Variants in DNAH2 observed in about 807,000 individuals in gnomAD.
DNAH2 encodes axonemal beta dynein heavy chain 2.
A neutral mutation model predicts 523.5 loss-of-function variants in DNAH2; 323 were observed. The ratio of observed to expected loss-of-function variants is 0.62; its 90% CI spans 0.56 to 0.68. DNAH2 has a LOEUF of 0.68. Among genes scored for constraint, DNAH2 ranks in the 30% least tolerant of loss-of-function variants. DNAH2 has a pLI of 0.00. For synonymous variants in DNAH2, 2,093 were observed against 2,177.4 expected, an observed-to-expected ratio of 0.96 and a Z score of 1.08; for missense variants, 4,907 against 5,701.5, an observed-to-expected ratio of 0.86 and a Z score of 4.49.
chr17:7,784,304 T>C (rs1329998327), intron 39 of DNAH2, among the ~76,000 whole-genome samples: 1 of 152,168 alleles, frequency 6.6e-6, no homozygotes. Flanking sequence ...GCAAACAGAC[T>C]AAAAATCAGG....
rs139703553 is a variant in DNAH2 at position 7,810,680 on chromosome 17, C to T, written c.9729+3094C>T. Among the ~76,000 whole-genome samples, 1,054 of 152,182 alleles carry T rather than the reference C, an allele frequency of 6.9e-3. 10 individuals carry two copies. Among genetic ancestry groups the T allele is most frequent in the Non-Finnish European group, 0.011 (743 of 68,008 alleles). The stretch of plus-strand genomic sequence containing the variant: ...CTGGGATTACAGGTGTGAGCCACCG[C>T]GCCTGCCCCCAAATGTACCTTTTAA... On this transcript the variant is annotated intron_variant, in intron 63 of 85. Coordinates refer to ENST00000572933, the MANE Select transcript of DNAH2 (RefSeq NM_020877.5).
intron 12 of DNAH2, chr17:7,743,517 T>G: frequency 1.6e-6 from 1 of 616,796 alleles, no homozygotes; most frequent in South Asian, 1.9e-5. Context: ...AATACAAAGA[T>G]TAGCTGGGCG....
intron 56 of DNAH2, among the ~76,000 whole-genome samples, chr17:7,800,647 A>G (rs897918917): frequency 5.6e-4 from 85 of 150,612 alleles, no homozygotes; most frequent in African/African-American, 1.5e-3. Context: ...CAGGTGGATC[A>G]CAAGGTCAGG....
In DNAH2 at chr17:7,827,257, AT is replaced by A. The variant is rs1042298827; in HGVS notation, c.11853+2531del. On this transcript the variant is annotated intron_variant, in intron 77 of 85. Transcript: ENST00000572933. Reference sequence around the variant, plus strand: ...AATTTTTATGAGGTTGAATTTAGCTATCTTTCCTTTTTTAAATGGTTTGTGC... The same window carrying A: ...AATTTTTATGAGGTTGAATTTAGCTACTTTCCTTTTTTAAATGGTTTGTGC... 5.5e-4 allele frequency among the ~76,000 whole-genome samples: 84 copies of A among 152,004 alleles called. 1 individual carries two copies. Among genetic ancestry groups the A allele is most frequent in the Admixed American group, 5.4e-3 (82 of 15,266 alleles).
At chr17:7,762,829 C>A (rs1315233035) in intron 18 of DNAH2, among the ~76,000 whole-genome samples, 1 of 151,848 alleles carries the variant, frequency 6.6e-6, no homozygotes, top group African/African-American at 2.4e-5. Flanking sequence ...CTCCCAACCA[C>A]CTTGTGAGGC....
At position 7,817,692 on chromosome 17, in the gene DNAH2, C is replaced by T. The variant is rs745973785; in HGVS notation, c.10152C>T (p.Ile3384=). 1.6e-5 allele frequency: 26 copies of T among 1,614,152 alleles called. No individual in the cohort carries two copies. The highest frequency in any genetic ancestry group is 1.6e-4 in the Middle Eastern group (1 of 6,062). ...SDAFSTENGI[I]VTRGNRWALM... ...CCTTCTCCACTGAGAATGGCATCATCGTCACCCGAGGCAACAGGTGAGGGT... is the reference window on the plus strand; with the variant it reads ...CCTTCTCCACTGAGAATGGCATCATTGTCACCCGAGGCAACAGGTGAGGGT... Residue 3384 remains isoleucine (I), a synonymous_variant, in exon 66 of 86, where the codon ATC becomes ATT. Coordinates refer to ENST00000572933, the MANE Select transcript of DNAH2 (RefSeq NM_020877.5).
At position 7,727,246 on chromosome 17, in the gene DNAH2, T is replaced by C. The variant is rs142363026; in HGVS notation, c.353T>C (p.Ile118Thr). The C allele has an allele frequency of 5.6e-6, 9 of 1,612,092 alleles. 1 individual carries two copies. In the Admixed American group the frequency reaches 1.2e-4, roughly 21 times the overall value. ...DPTESILTIF[I>T]DPCFGLKLEL... ...ACAGAATCCATCCTCACCATCTTCA[T>C]TGACCCTTGTTTTGGGCTGAAGCTA... Residue 118 changes from isoleucine (I) to threonine (T), a missense_variant, in exon 4 of 86, where the codon ATT becomes ACT. This residue lies in a region of DNAH2 where 2,806 missense variants were observed against 3,190.8 expected (regional missense o/e 0.88). Transcript: ENST00000572933.
rs769092944 is a variant in DNAH2, at chr17:7,832,633, G to A, written c.12781G>A (p.Val4261Met). ...CTGGACCCGGGACTTGGCCATGCGT[G>A]TGGAGCAGTTTGAGCTGTGGGCCAG... ...AAWTRDLAMR[V>M]EQFELWASRA... Residue 4261 changes from valine to methionine, a missense_variant, in exon 83 of 86, where the codon GTG (valine) becomes ATG (methionine). Val to Met is a conservative substitution (Grantham distance 21). Around this residue, in one of 3 missense-constraint regions of DNAH2, gnomAD observed 1,851 missense variants for 2,139.4 expected, o/e 0.87. Coordinates refer to ENST00000572933, the MANE Select transcript of DNAH2 (RefSeq NM_020877.5). The surrounding 1 kb of genome is among the most constrained non-coding windows in gnomAD (Gnocchi z 4.3). 2.5e-6 allele frequency: 4 copies of A among 1,614,182 alleles called. No individual in the cohort carries two copies. In the South Asian group the frequency reaches 3.3e-5, roughly 13 times the overall value.
At chr17:7,801,821 A>G (rs1273821259) in intron 57 of DNAH2, 57 bp from the exon 58 acceptor site, 4 of 1,610,124 alleles carry the variant, frequency 2.5e-6, no homozygotes, top group Non-Finnish European at 3.4e-6. Flanking sequence ...TCGCACTCCC[A>G]GCCTCTCTCC....
intron 8 of DNAH2, chr17:7,737,833 G>C (rs2075185436): frequency 1.6e-6 from 1 of 640,846 alleles, no homozygotes; most frequent in Non-Finnish European, 2.8e-6. Flanking sequence ...GGAGAACCAG[G>C]GGTGGGATGA....
chr17:7,823,648 C>A lies in DNAH2; in HGVS notation c.11329+20C>A. On this transcript the variant is annotated intron_variant, in intron 74 of 85. Coordinates refer to ENST00000572933, the MANE Select transcript of DNAH2 (RefSeq NM_020877.5). ...TGCCAGGTACCAGGCGTCTGTGTCC[C>A]ACTCTCACTTTTCTCCTTCCCTCCA... 1 of 1,610,710 alleles carries A rather than the reference C, an allele frequency of 6.2e-7. No homozygotes were observed. Among genetic ancestry groups the A allele is most frequent in the Middle Eastern group, 1.7e-4 (1 of 5,842 alleles).
rs771629443 is a variant in DNAH2, at chr17:7,771,437, C to T, written c.4470C>T (p.Asp1490=). The change falls in exon 28 of 86, where the codon GAC becomes GAT. Residue 1490 remains aspartate (D), a synonymous_variant. Transcript: ENST00000572933. The stretch of plus-strand genomic sequence containing the variant: ...CCATCATGGACAGGATGAACAAGGA[C>T]AACAATGCTCTCCGGAGCACCCATC... The part of the protein sequence containing the change: ...WKAIMDRMNK[D]NNALRSTHHP... The T allele has an allele frequency of 6.2e-7, 1 of 1,613,996 alleles. No homozygotes were observed. The highest frequency in any genetic ancestry group is 2.2e-5 in the East Asian group (1 of 44,884).
chr17:7,778,033 C>A (rs1372191632), intron 33 of DNAH2, 44 bp from the exon 34 acceptor site: 1 of 1,547,134 alleles, frequency 6.5e-7, no homozygotes, highest in African/African-American at 1.4e-5. Context: ...CTCTAACTCT[C>A]CTTCCAAGCC....
In DNAH2 at chr17:7,821,133, TG is replaced by T; in HGVS notation, c.11016-108del. 6.9e-7 allele frequency: 1 copy of T among 1,447,300 alleles called. No homozygotes were observed. Among genetic ancestry groups the T allele is most frequent in the Non-Finnish European group, 9.2e-7 (1 of 1,081,420 alleles). 89.7% of individuals were successfully genotyped at this position (1,447,300 alleles called of 1,614,324 possible). A position where few individuals can be genotyped will look rare whatever the true frequency, so the allele number is the denominator to read the frequency against. On this transcript the variant is annotated intron_variant, in intron 72 of 85. Coordinates refer to ENST00000572933, the MANE Select transcript of DNAH2 (RefSeq NM_020877.5). This position sits in a 1 kb window ranked among gnomAD's most constrained non-coding sequence, Gnocchi z 5.0. Reference sequence around the variant, plus strand: ...TTTCCAGGAGGTTAGGATTAGAGGCTGGTGAGGTCCTCTGTGTGAAGCTGTG... The same window carrying T: ...TTTCCAGGAGGTTAGGATTAGAGGCTGTGAGGTCCTCTGTGTGAAGCTGTG...
At chr17:7,787,820 T>G (rs1202982543) in intron 42 of DNAH2, 40 bp from the exon 43 acceptor site, 1 of 1,568,966 alleles carries the variant, frequency 6.4e-7, no homozygotes, top group East Asian at 2.3e-5. Flanking sequence ...AGGTGGGGGA[T>G]GCAGAGAAAG....
At position 7,817,929 on chromosome 17, in the gene DNAH2, TC is replaced by T. The variant is rs769186904; in HGVS notation, c.10237-12del. On this transcript the variant is annotated splice_polypyrimidine_tract_variant and intron_variant, in intron 67 of 85. Coordinates refer to ENST00000572933, the MANE Select transcript of DNAH2 (RefSeq NM_020877.5). ...CCTCTCCCGTAGTGTTCCTTCACCT[TC>T]CCCCTTGCTCTCTAGGGCCTGAAGA... 5 of 1,613,742 alleles carry T rather than the reference TC, an allele frequency of 3.1e-6. No individual in the cohort carries two copies. The African/African-American group carries it at 4.0e-5, about 13-fold the overall frequency.
chr17:7,794,241 C>G lies in DNAH2; in HGVS notation c.7570-13C>G. On this transcript the variant is annotated splice_polypyrimidine_tract_variant and intron_variant, in intron 48 of 85. Transcript: ENST00000572933. Reference sequence around the variant, plus strand: ...CCTCCTGCCTGTCTGCCCTCCTTGTCGCTGCTCTCTAGGAAATGTTCCTGA... The same window carrying G: ...CCTCCTGCCTGTCTGCCCTCCTTGTGGCTGCTCTCTAGGAAATGTTCCTGA... 2 of 1,593,090 alleles carry G rather than the reference C, an allele frequency of 1.3e-6. No individual in the cohort carries two copies. The highest frequency in any genetic ancestry group is 1.7e-6 in the Non-Finnish European group (2 of 1,169,020).
chr17:7,819,446 C>T lies in DNAH2; in HGVS notation c.11015+38C>T, dbSNP rs538365992. 21 of 1,611,268 alleles carry T rather than the reference C, an allele frequency of 1.3e-5. No homozygotes were observed. The Admixed American group carries it at 2.8e-4, about 22-fold the overall frequency. ...CCCCAACATGCCCCAGCCCGGAGGC[C>T]GAGTGGCTGTGGTTCTTCTGGCCAC... On this transcript the variant is annotated intron_variant, in intron 72 of 85. Coordinates refer to ENST00000572933, the MANE Select transcript of DNAH2 (RefSeq NM_020877.5).
Position 7,759,827 on chromosome 17 carries a change from G to A in DNAH2, c.2674G>A (p.Val892Met), listed in dbSNP as rs749516668. The A allele has an allele frequency of 2.5e-6, 4 of 1,614,220 alleles. No homozygotes were observed. The South Asian group carries it at 3.3e-5, about 13-fold the overall frequency. ...FSPTLQTLAG[V>M]VNDIGNHLFS... ...ACCCACTCTGCAGACTTTGGCAGGTGTGGTCAATGACATTGGCAACCACCT... is the reference window on the plus strand; with the variant it reads ...ACCCACTCTGCAGACTTTGGCAGGTATGGTCAATGACATTGGCAACCACCT... Residue 892 changes from valine to methionine, a missense_variant, in exon 17 of 86, where the codon GTG becomes ATG. This residue lies in a region of DNAH2 where 2,806 missense variants were observed against 3,190.8 expected (regional missense o/e 0.88). Coordinates refer to ENST00000572933, the MANE Select transcript of DNAH2 (RefSeq NM_020877.5).
Sources: gnomAD v4.1 joint callset for allele counts (sites outside exome capture counted in the v4.1 genomes callset) on GRCh38, gnomAD v4.1.1 for gene constraint, gnomAD v4.1.1 regional missense constraint, Gnocchi (gnomAD v3.1) non-coding constraint, MANE v1.5 for transcripts, NCBI Gene and HGNC (gene_info 2026-07-23, HGNC 2026-07-21) for gene names.